The following TYW1 variants were observed in gnomAD, a reference collection of about 807,000 sequenced individuals.
TYW1 encodes the protein S-adenosyl-L-methionine-dependent tRNA 4-demethylwyosine synthase TYW1.
Under a neutral mutation model 96.2 loss-of-function variants are expected in TYW1, and 46 were observed. The observed-to-expected ratio is 0.48, with a 90% CI of 0.38 to 0.61. TYW1 has a LOEUF of 0.61. Among genes scored for constraint, TYW1 ranks in the 20% least tolerant of loss-of-function variants. TYW1 has a pLI of 0.00. For synonymous variants in TYW1, 274 were observed against 323.0 expected, an observed-to-expected ratio of 0.85 and a Z score of 1.63; for missense variants, 684 against 909.6, an observed-to-expected ratio of 0.75 and a Z score of 3.19.
chr7:67,032,752 A>C (rs1165753026), intron 7 of TYW1, among the ~76,000 whole-genome samples: 1 of 152,030 alleles, frequency 6.6e-6, no homozygotes, highest in Non-Finnish European at 1.5e-5. Flanking sequence ...GCTTCTTTGG[A>C]GATATCTTCC....
In TYW1 at chr7:67,014,405, A is replaced by G. The variant is rs1190804217; in HGVS notation, c.414A>G (p.Thr138=). ...SKNVCVFLVA[T]YTDGLPTESA... is the part of the protein sequence containing the mutation. ...ATGTCTGTGTCTTCCTGGTTGCGAC[A>G]TACACTGACGGCCTACCAACTGAAA... Residue 138 remains threonine, a synonymous_variant, in exon 5 of 16, where the codon ACA becomes ACG. Transcript: ENST00000359626. 1.2e-6 allele frequency: 2 copies of G among 1,613,552 alleles called. No individual in the cohort carries two copies. The highest frequency in any genetic ancestry group is 2.2e-5 in the South Asian group (2 of 90,972).
At position 66,998,051 on chromosome 7, in the gene TYW1, C is replaced by G; in HGVS notation, c.5-14C>G. On this transcript the variant is annotated splice_polypyrimidine_tract_variant and intron_variant, in intron 1 of 15. Transcript: ENST00000359626. ...TAGCTTTAAATGAAATTGTGTGTGT[C>G]ATTTTAAATTTAGATCCTTCTGCGG... 6.4e-7 allele frequency: 1 copy of G among 1,570,664 alleles called. No individual in the cohort carries two copies. Among genetic ancestry groups the G allele is most frequent in the Non-Finnish European group, 8.6e-7 (1 of 1,163,954 alleles).
At chr7:67,039,242 G>A in intron 7 of TYW1, among the ~76,000 whole-genome samples, 1 of 152,070 alleles carries the variant, frequency 6.6e-6, no homozygotes, top group Admixed American at 6.6e-5. Context: ...AGATCATGAG[G>A]TCAGGAGATC....
At chr7:67,231,320 C>A (rs1300411769) in intron 15 of TYW1, among the ~76,000 whole-genome samples, 1 of 152,126 alleles carries the variant, frequency 6.6e-6, no homozygotes, top group Non-Finnish European at 1.5e-5. Context: ...CACTTACTTA[C>A]CCACCTACCT....
chr7:67,188,466 C>T (rs1334978185), intron 14 of TYW1, among the ~76,000 whole-genome samples: 4 of 152,068 alleles, frequency 2.6e-5, no homozygotes, highest in Non-Finnish European at 5.9e-5. Flanking sequence ...GAAAACCATA[C>T]GTTTGGGAAG....
At chr7:67,071,842 A>G (rs3980722) in intron 10 of TYW1, among the ~76,000 whole-genome samples, 3 of 150,948 alleles carry the variant, frequency 2.0e-5, no homozygotes, top group African/African-American at 4.9e-5. Context: ...GACTGGTCTC[A>G]AACTCCTGGC....
chr7:67,002,830 ACTTTTT>A (rs202134981), intron 3 of TYW1, among the ~76,000 whole-genome samples: 9,560 of 138,142 alleles, frequency 0.069, 403 homozygotes, highest in South Asian at 0.12. Flanking sequence ...ATTTTTTGTA[ACTTTTT>A]CTTTTTCTTT....
intron 13 of TYW1, among the ~76,000 whole-genome samples, chr7:67,137,502 C>A (rs537584853): frequency 6.6e-6 from 1 of 152,098 alleles, no homozygotes; most frequent in South Asian, 2.1e-4. Context: ...TGAAACTGTG[C>A]TTTTTAAAAG....
intron 10 of TYW1, among the ~76,000 whole-genome samples, chr7:67,076,634 C>G (rs1249586510): frequency 6.6e-6 from 1 of 151,880 alleles, no homozygotes; most frequent in South Asian, 2.1e-4. Context: ...CGCCACCAAG[C>G]CTGGATAATT....
chr7:67,029,089 C>G (rs1450117163), intron 7 of TYW1, among the ~76,000 whole-genome samples: 1 of 151,662 alleles, frequency 6.6e-6, no homozygotes, highest in African/African-American at 2.4e-5. Context: ...AGCTCTGCCT[C>G]CTGGGTTCAC....
chr7:67,221,598 A>T (rs1043791048), intron 15 of TYW1, among the ~76,000 whole-genome samples: 2 of 152,120 alleles, frequency 1.3e-5, no homozygotes, highest in Non-Finnish European at 2.9e-5. Flanking sequence ...TGTTGAGTTG[A>T]TTCTTTGCAG....
At chr7:67,052,215 T>C (rs1271267489) in intron 8 of TYW1, among the ~76,000 whole-genome samples, 9 of 152,154 alleles carry the variant, frequency 5.9e-5, no homozygotes, top group Admixed American at 5.2e-4. Flanking sequence ...CGGACAAATT[T>C]TGGCCATTAT....
intron 13 of TYW1, among the ~76,000 whole-genome samples, chr7:67,164,819 G>A (rs1799272476): frequency 6.6e-6 from 1 of 151,976 alleles, no homozygotes; most frequent in African/African-American, 2.4e-5. Flanking sequence ...GCTAAAGGGT[G>A]ATATCATAAA....
At chr7:67,022,161 C>G (rs762973191) in intron 6 of TYW1, among the ~76,000 whole-genome samples, 3 of 152,202 alleles carry the variant, frequency 2.0e-5, no homozygotes. Context: ...GATCCTCCTG[C>G]CTTGGCCTCC....
intron 4 of TYW1, among the ~76,000 whole-genome samples, chr7:67,011,145 C>G (rs1793782855): frequency 1.3e-5 from 2 of 152,120 alleles, no homozygotes; most frequent in South Asian, 4.1e-4. Context: ...TCAAGTGATT[C>G]TCCTACCTCA....
chr7:67,056,102 T>C (rs1479118308), intron 9 of TYW1, among the ~76,000 whole-genome samples: 1 of 152,240 alleles, frequency 6.6e-6, no homozygotes, highest in Non-Finnish European at 1.5e-5. Context: ...CCCACCCCAG[T>C]GAATTTATTG....
At chr7:67,189,761 T>C (rs1563063299) in intron 14 of TYW1, among the ~76,000 whole-genome samples, 1 of 152,218 alleles carries the variant, frequency 6.6e-6, no homozygotes, top group Admixed American at 6.5e-5. Flanking sequence ...ACAAAATCAA[T>C]AGAGGCTATT....
intron 10 of TYW1, among the ~76,000 whole-genome samples, chr7:67,072,394 G>A (rs561662637): frequency 3.3e-5 from 5 of 151,746 alleles, no homozygotes; most frequent in Non-Finnish European, 7.4e-5. Context: ...TTACAGGTGC[G>A]TGCCACCATG....
rs925811120 is a variant in TYW1 at position 67,161,487 on chromosome 7, T to C, written c.1699-21639T>C. Among the ~76,000 whole-genome samples the C allele has an allele frequency of 1.6e-4, 25 of 152,198 alleles. 1 individual carries two copies. Among genetic ancestry groups the C allele is most frequent in the African/African-American group, 5.8e-4 (24 of 41,452 alleles). On this transcript the variant is annotated intron_variant, in intron 13 of 15. Coordinates refer to ENST00000359626, the MANE Select transcript of TYW1 (RefSeq NM_018264.4). ...TCTTTTGGAATTTTGGTTTGCAGGC[T>C]CATCTTGAGTAGGTGTTATTTTTGC...
Sources: gnomAD v4.1 joint callset for allele counts (sites outside exome capture counted in the v4.1 genomes callset) on GRCh38, gnomAD v4.1.1 for gene constraint, MANE v1.5 for transcripts, NCBI Gene and HGNC (gene_info 2026-07-23, HGNC 2026-07-21) for gene names.